EPRS1: variants seen among roughly 807,000 people sequenced by gnomAD.
EPRS1 encodes bifunctional glutamate/proline--tRNA ligase.
EPRS1 carries 107 observed loss-of-function variants against 188.3 expected under a neutral mutation model. The ratio of observed to expected loss-of-function variants is 0.57; its 90% CI spans 0.49 to 0.67. The LOEUF (loss-of-function observed/expected upper bound fraction) is 0.67. EPRS1 is among the 30% of genes least tolerant of loss of function. The pLI, the probability that EPRS1 is intolerant of heterozygous loss-of-function variation, is 0.00. For missense variants in EPRS1, 1,577 were observed against 1,802.2 expected (o/e 0.88, Z 2.26); for synonymous variants, 596 against 593.1 (o/e 1.00, Z -0.07).
intron 26 of EPRS1, 48 bp from the exon 27 acceptor site, chr1:219,979,663 G>T: frequency 7.5e-7 from 1 of 1,325,612 alleles, no homozygotes. Context: ...AACCTATTAT[G>T]CCCTTGAAAA....
chr1:219,983,301 A>G lies in EPRS1; in HGVS notation c.3188T>C (p.Phe1063Ser), dbSNP rs1195539640. ...AAGTTTCTTGATCTCAGCATCAAAAAAGTCCTTGATGGCTTCCCAAATGGC... is the reference window on the plus strand; with the variant it reads ...AAGTTTCTTGATCTCAGCATCAAAAGAGTCCTTGATGGCTTCCCAAATGGC... Reference protein sequence around the residue: ...AYAIWEAIKDFFDAEIKKLGV... With the variant: ...AYAIWEAIKDSFDAEIKKLGV... The change falls in exon 22 of 32, where the codon TTT becomes TCT. Residue 1063 changes from phenylalanine to serine, a missense_variant. Transcript: ENST00000366923. 20 of 1,614,016 alleles carry G rather than the reference A, an allele frequency of 1.2e-5. No homozygotes were observed. The highest frequency in any genetic ancestry group is 1.6e-5 in the Non-Finnish European group (19 of 1,179,946).
At chr1:219,979,295 G>C (rs1009758186) in intron 27 of EPRS1, 123 bp downstream of exon 27, 3 of 679,416 alleles carry the variant, frequency 4.4e-6, no homozygotes. Flanking sequence ...TGCATTCCAC[G>C]TTGTTTTTAT....
In EPRS1 at chr1:220,008,263, G is replaced by A. The variant is rs1661534380; in HGVS notation, c.1606-925C>T. ...ATTATGGACCTTTCAGATTTTAGAA[G>A]ACAAACTTTAAAGAAAGTATTATCT... On this transcript the variant is annotated intron_variant, in intron 13 of 31. Coordinates refer to ENST00000366923, the MANE Select transcript of EPRS1 (RefSeq NM_004446.3). Among the ~76,000 whole-genome samples the A allele has an allele frequency of 2.0e-5, 3 of 152,070 alleles. No homozygotes were observed. In the South Asian group the frequency reaches 6.2e-4, roughly 32 times the overall value.
In EPRS1 at chr1:219,993,475, T is replaced by A. The variant is rs537584022; in HGVS notation, c.2541+3508A>T. Among the ~76,000 whole-genome samples the A allele has an allele frequency of 1.0e-3, 158 of 152,296 alleles. 1 individual carries two copies. Among genetic ancestry groups the A allele is most frequent in the Non-Finnish European group, 4.9e-4 (33 of 68,036 alleles). ...TATACTTTGCCTTTACACTTAAAAG[T>A]TCTTTCATAGAAGCATCTATCTGAT... On this transcript the variant is annotated intron_variant, in intron 18 of 31. Transcript: ENST00000366923.
intron 12 of EPRS1, among the ~76,000 whole-genome samples, chr1:220,017,377 A>C (rs1016009282): frequency 6.6e-6 from 1 of 152,194 alleles, no homozygotes; most frequent in Non-Finnish European, 1.5e-5. Context: ...AGATATCTGA[A>C]GTGTCCATGT....
At chr1:220,001,405 G>A (rs1057107089) in intron 16 of EPRS1, 150 bp from the exon 17 acceptor site, 113 of 610,642 alleles carry the variant, frequency 1.9e-4, no homozygotes, top group Non-Finnish European at 3.0e-4. Context: ...TCACTCTGTC[G>A]CCCAGGCTGG....
At position 220,020,191 on chromosome 1, in the gene EPRS1, G is replaced by A. The variant is rs1661841674; in HGVS notation, c.1146C>T (p.Pro382=). The A allele has an allele frequency of 1.2e-6, 2 of 1,613,164 alleles. No individual in the cohort carries two copies. Among genetic ancestry groups the A allele is most frequent in the East Asian group, 2.2e-5 (1 of 44,854 alleles). Residue 382 remains proline (P), a synonymous_variant, in exon 10 of 32, where the codon CCC becomes CCT. Transcript: ENST00000366923. ...TAACACCTTCGATGCTGTCAACTAT[G>A]GGGCAGGCAAAATCATATGTTGGAT... ...NVYPTYDFAC[P]IVDSIEGVTH...
chr1:220,045,589 T>C (rs543807973), intron 1 of EPRS1, among the ~76,000 whole-genome samples: 14 of 152,240 alleles, frequency 9.2e-5, no homozygotes, highest in African/African-American at 3.4e-4. Flanking sequence ...TTCTAAGCAA[T>C]CTACCAACAA....
intron 23 of EPRS1, among the ~76,000 whole-genome samples, chr1:219,981,823 C>A (rs1660907270): frequency 6.6e-6 from 1 of 152,158 alleles, no homozygotes; most frequent in Non-Finnish European, 1.5e-5. Flanking sequence ...CTGTTCAATT[C>A]TCACATTCAA....
chr1:219,979,720 T>C (rs1391641736), intron 26 of EPRS1, 105 bp from the exon 27 acceptor site: 4 of 734,862 alleles, frequency 5.4e-6, no homozygotes, highest in Non-Finnish European at 8.8e-6. Flanking sequence ...ACACTTTTTT[T>C]CTCCCTTTTT....
Position 220,040,223 on chromosome 1 carries a change from G to A in EPRS1, c.93C>T (p.Ser31=), listed in dbSNP as rs745829078. 1.7e-5 allele frequency: 27 copies of A among 1,610,226 alleles called. No individual in the cohort carries two copies. The South Asian group carries it at 1.8e-4, about 11-fold the overall frequency. The change falls in exon 2 of 32, where the codon TCC becomes TCT. Residue 31 remains serine, a synonymous_variant. Coordinates refer to ENST00000366923, the MANE Select transcript of EPRS1 (RefSeq NM_004446.3). The stretch of plus-strand genomic sequence containing the variant: ...GAATATTCTCTTTCCCTTCTTCAAC[G>A]GAAATGCTGACATCGTCTTTCACGT... ...VEHVKDDVSI[S]VEEGKENILH...
chr1:220,039,117 A>T (rs1396928380), intron 2 of EPRS1, among the ~76,000 whole-genome samples: 1 of 152,178 alleles, frequency 6.6e-6, no homozygotes, highest in African/African-American at 2.4e-5. Flanking sequence ...GTAGCTTCTA[A>T]GGCCTCTCAG....
chr1:219,990,046 T>A (rs926219306), intron 18 of EPRS1, among the ~76,000 whole-genome samples: 1 of 151,862 alleles, frequency 6.6e-6, no homozygotes, highest in Non-Finnish European at 1.5e-5. Context: ...TTGATGACTA[T>A]TTGAAAGAAG....
At chr1:219,978,518 G>T in intron 28 of EPRS1, 28 bp downstream of exon 28, 3 of 1,506,258 alleles carry the variant, frequency 2.0e-6, no homozygotes, top group Non-Finnish European at 2.7e-6. Flanking sequence ...CAGATGTTGG[G>T]GGTAAAAGAT....
chr1:219,988,415 T>C (rs548273689), intron 19 of EPRS1, among the ~76,000 whole-genome samples, 175 bp downstream of exon 19: 7 of 151,924 alleles, frequency 4.6e-5, no homozygotes, highest in Non-Finnish European at 1.0e-4. Context: ...TCCAATCAAA[T>C]CTAGTTGGCG....
chr1:219,978,582 A>G lies in EPRS1; in HGVS notation c.4047T>C (p.Tyr1349=). 1 of 1,592,770 alleles carries G rather than the reference A, an allele frequency of 6.3e-7. No individual in the cohort carries two copies. Among genetic ancestry groups the G allele is most frequent in the Non-Finnish European group, 8.6e-7 (1 of 1,167,950 alleles). The change falls in exon 28 of 32, where the codon TAT becomes TAC. Residue 1349 remains tyrosine, a synonymous_variant. Transcript: ENST00000366923. ...IRVRADLRDN[Y]SPGWKFNHWE... The stretch of plus-strand genomic sequence containing the variant: ...AGTGATTGAATTTCCAACCTGGAGA[A>G]TAATTATCTCGTAAATCAGCTCTAA...
intron 24 of EPRS1, 43 bp downstream of exon 24, chr1:219,981,335 G>T: frequency 2.9e-5 from 31 of 1,067,434 alleles, no homozygotes; most frequent in Non-Finnish European, 3.5e-5. Context: ...AAAAAAAAAA[G>T]AACATGAATA....
At chr1:220,031,579 TC>T (rs1178600942) in intron 5 of EPRS1, among the ~76,000 whole-genome samples, 1 of 152,208 alleles carries the variant, frequency 6.6e-6, no homozygotes, top group African/African-American at 2.4e-5. Flanking sequence ...GCTATCTTTA[TC>T]CAAGTAGACA....
intron 12 of EPRS1, chr1:220,018,003 C>T: frequency 4.3e-6 from 2 of 461,706 alleles, no homozygotes; most frequent in East Asian, 7.1e-5. Context: ...ATTTTCAATG[C>T]GTTTGTATAA....
Sources: gnomAD v4.1 joint callset for allele counts (sites outside exome capture counted in the v4.1 genomes callset) on GRCh38, gnomAD v4.1.1 for gene constraint, MANE v1.5 for transcripts, NCBI Gene and HGNC (gene_info 2026-07-23, HGNC 2026-07-21) for gene names.